LRP1B: variants seen among roughly 807,000 people sequenced by gnomAD.
The protein encoded by LRP1B is LDL receptor related protein 1B.
A neutral mutation model predicts 556.6 loss-of-function variants in LRP1B; 217 were observed. The ratio of observed to expected loss-of-function variants is 0.39; its 90% CI spans 0.35 to 0.44. The LOEUF (loss-of-function observed/expected upper bound fraction) is 0.44, where lower values mean the gene tolerates loss of function less well. Ranked by LOEUF, LRP1B falls within the 20% of genes least tolerant of loss-of-function variation. LRP1B has a pLI of 1.00. For synonymous variants in LRP1B, 2,047 were observed against 1,865.8 expected, an observed-to-expected ratio of 1.10 and a Z score of -2.50; for missense variants, 5,053 against 5,620.8, an observed-to-expected ratio of 0.90 and a Z score of 3.23.
chr2:142,039,430 G>A (rs1305514877), intron 1 of LRP1B, among the ~76,000 whole-genome samples: 4 of 150,118 alleles, frequency 2.7e-5, no homozygotes, highest in Admixed American at 2.0e-4. Flanking sequence ...CTGTGTGACA[G>A]ATCACTGATA....
At chr2:140,860,925 G>A (rs145722264) in intron 27 of LRP1B, among the ~76,000 whole-genome samples, 9 of 152,114 alleles carry the variant, frequency 5.9e-5, no homozygotes, top group Admixed American at 5.2e-4. Flanking sequence ...CTTACAGGGT[G>A]GGGGAGGAGA....
At chr2:141,725,612 T>C (rs987570820) in intron 2 of LRP1B, among the ~76,000 whole-genome samples, 3 of 151,914 alleles carry the variant, frequency 2.0e-5, no homozygotes, top group Non-Finnish European at 2.9e-5. Context: ...TGAATACATA[T>C]AGGAATACAT....
chr2:141,385,358 A>G (rs79814546), intron 3 of LRP1B, among the ~76,000 whole-genome samples: 8,579 of 152,254 alleles, frequency 0.056, 283 homozygotes, highest in South Asian at 0.083. Flanking sequence ...TCAACAATCC[A>G]CAAGTTTTGG....
chr2:142,120,699 T>A (rs533233653), intron 1 of LRP1B, among the ~76,000 whole-genome samples: 2 of 152,282 alleles, frequency 1.3e-5, no homozygotes, highest in East Asian at 3.9e-4. Context: ...AACAGCAAAA[T>A]TATTGCTTCC....
At chr2:141,991,044 T>C (rs1381206500) in intron 1 of LRP1B, among the ~76,000 whole-genome samples, 1 of 152,076 alleles carries the variant, frequency 6.6e-6, no homozygotes, top group African/African-American at 2.4e-5. Flanking sequence ...ATATTCTAGA[T>C]GGTTCATCAT....
In LRP1B at chr2:140,525,947, T is replaced by G. The variant is rs1383836976; in HGVS notation, c.7923A>C (p.Thr2641=). ...AGGTAGAATTACATCTTATGAACCC[T>G]GTGGTTTTCACTCCAAGCTTATAGA... ...THFYKLGVKT[T]GFIRCNSTSL... The change falls in exon 49 of 91, where the codon ACA becomes ACC. Residue 2641 remains threonine (T), a synonymous_variant. Transcript: ENST00000389484. The G allele has an allele frequency of 6.2e-7, 1 of 1,612,408 alleles. No individual in the cohort carries two copies. Among genetic ancestry groups the G allele is most frequent in the East Asian group, 2.2e-5 (1 of 44,826 alleles).
chr2:140,352,615 G>C (rs976582602), intron 76 of LRP1B, among the ~76,000 whole-genome samples: 1 of 151,716 alleles, frequency 6.6e-6, no homozygotes, highest in African/African-American at 2.4e-5. Flanking sequence ...TTATCCCTGG[G>C]GTATAATTTT....
intron 1 of LRP1B, among the ~76,000 whole-genome samples, chr2:141,866,730 A>C (rs1698424939): frequency 6.6e-6 from 1 of 152,024 alleles, no homozygotes; most frequent in South Asian, 2.1e-4. Flanking sequence ...AGAGAGGGAA[A>C]GAAAAGAAAG....
At chr2:141,599,053 GCCCCCCCCCCC>G (rs1687634272) in intron 2 of LRP1B, among the ~76,000 whole-genome samples, 2 of 10,022 alleles carry the variant, frequency 2.0e-4, no homozygotes, top group African/African-American at 9.2e-4. Context: ...ACTCCCCCCC[GCCCCCCCCCCC>G]CCCCCCCCCC....
intron 2 of LRP1B, among the ~76,000 whole-genome samples, chr2:141,712,796 A>G (rs1692412095): frequency 6.8e-6 from 1 of 147,262 alleles, no homozygotes; most frequent in Non-Finnish European, 1.5e-5. Context: ...CAGCCTCCCT[A>G]GTAGCTAGAA....
rs1332962818 is a variant in LRP1B, at chr2:140,304,776, T to G, written c.12806-6807A>C. Among the ~76,000 whole-genome samples, 2 of 152,222 alleles carry G rather than the reference T, an allele frequency of 1.3e-5. 1 individual carries two copies. Among genetic ancestry groups the G allele is most frequent in the African/African-American group, 4.8e-5 (2 of 41,462 alleles). ...ATTGCCTAGGTTTTCTTCTAGGGTT[T>G]TTATGGTTTTAGGTCTAACGTTTAA... is the stretch of plus-strand genomic sequence containing the variant. On this transcript the variant is annotated intron_variant, in intron 83 of 90. Coordinates refer to ENST00000389484, the MANE Select transcript of LRP1B (RefSeq NM_018557.3).
chr2:140,574,012 A>G (rs1681426009), intron 43 of LRP1B, among the ~76,000 whole-genome samples: 1 of 152,092 alleles, frequency 6.6e-6, no homozygotes, highest in African/African-American at 2.4e-5. Context: ...GGATAACGGG[A>G]ATGTTTCCAT....
intron 20 of LRP1B, among the ~76,000 whole-genome samples, chr2:140,934,142 C>T (rs1161018977): frequency 1.3e-5 from 2 of 151,582 alleles, no homozygotes; most frequent in African/African-American, 4.8e-5. Flanking sequence ...TTAAGTTTTA[C>T]TTTAATTGTA....
At chr2:141,144,061 C>A (rs2105064001) in intron 7 of LRP1B, among the ~76,000 whole-genome samples, 1 of 152,174 alleles carries the variant, frequency 6.6e-6, no homozygotes, top group Non-Finnish European at 1.5e-5. Flanking sequence ...TCTCTGCTAT[C>A]ACACAGGTCT....
chr2:141,096,486 G>C (rs1700306050), intron 7 of LRP1B, among the ~76,000 whole-genome samples: 1 of 152,028 alleles, frequency 6.6e-6, no homozygotes, highest in Non-Finnish European at 1.5e-5. Context: ...TACTGGGGAG[G>C]CTGAGGCAGG....
chr2:141,588,347 T>C (rs999102170), intron 2 of LRP1B, among the ~76,000 whole-genome samples: 2 of 151,938 alleles, frequency 1.3e-5, no homozygotes, highest in Admixed American at 6.6e-5. Context: ...GAAAACATAA[T>C]ACTGGCCTAA....
intron 2 of LRP1B, among the ~76,000 whole-genome samples, chr2:141,581,281 T>C (rs1347093854): frequency 1.3e-5 from 2 of 152,198 alleles, no homozygotes; most frequent in Non-Finnish European, 2.9e-5. Flanking sequence ...TCTACTTCCA[T>C]GTGAGAATTG....
intron 2 of LRP1B, among the ~76,000 whole-genome samples, chr2:141,524,263 A>AATATATATATATATAT (rs76874852): frequency 1.4e-4 from 20 of 148,126 alleles, no homozygotes; most frequent in South Asian, 8.5e-4. Context: ...ATAAGCAAAG[A>AATATATATATATATAT]ATATATATAT....
At chr2:140,937,997 C>T (rs1053027108) in intron 20 of LRP1B, among the ~76,000 whole-genome samples, 33 of 151,688 alleles carry the variant, frequency 2.2e-4, no homozygotes, top group African/African-American at 8.0e-4. Context: ...ACCAGAATCT[C>T]CCCGAGAAAT....
Sources: allele counts gnomAD v4.1 joint callset (sites outside exome capture counted in the v4.1 genomes callset), GRCh38; gene constraint gnomAD v4.1.1; transcripts MANE v1.5; gene names NCBI Gene and HGNC (gene_info 2026-07-23, HGNC 2026-07-21).